Variants in YEATS4 observed in about 807,000 individuals in gnomAD.
The protein encoded by YEATS4 is YEATS domain containing 4.
Under a neutral mutation model 30.1 loss-of-function variants are expected in YEATS4, and 17 were observed. The ratio of observed to expected loss-of-function variants is 0.56; its 90% CI spans 0.39 to 0.85. The LOEUF (loss-of-function observed/expected upper bound fraction) is 0.85, where lower values mean the gene tolerates loss of function less well. YEATS4 is among the 40% of genes least tolerant of loss of function. The pLI, the probability that YEATS4 is intolerant of heterozygous loss-of-function variation, is 0.00. For synonymous variants in YEATS4, 85 were observed against 87.5 expected, an observed-to-expected ratio of 0.97 and a Z score of 0.16; for missense variants, 142 against 268.3, an observed-to-expected ratio of 0.53 and a Z score of 3.29.
At chr12:69,385,996 TA>T (rs1247989607) in intron 6 of YEATS4, among the ~76,000 whole-genome samples, 1 of 152,236 alleles carries the variant, frequency 6.6e-6, no homozygotes, top group East Asian at 1.9e-4. Flanking sequence ...GTCTGTCTCC[TA>T]ACCAGTATGC....
intron 6 of YEATS4, among the ~76,000 whole-genome samples, chr12:69,374,009 A>G (rs1437299503): frequency 1.3e-5 from 2 of 152,128 alleles, no homozygotes; most frequent in South Asian, 2.1e-4. Flanking sequence ...TGCAAGTACC[A>G]TGCTGTTGTG....
At chr12:69,371,957 A>C (rs978068470) in intron 6 of YEATS4, among the ~76,000 whole-genome samples, 2 of 152,222 alleles carry the variant, frequency 1.3e-5, no homozygotes. Flanking sequence ...TAGAGGGAGC[A>C]GTGAGGACAA....
At chr12:69,365,961 G>C in intron 4 of YEATS4, 77 bp downstream of exon 4, 12 of 1,063,470 alleles carry the variant, frequency 1.1e-5, no homozygotes, top group South Asian at 1.8e-5. Flanking sequence ...TTAATGAATA[G>C]TGTTCATTCA....
chr12:69,425,419 A>G, the YEATS4 span, among the ~76,000 whole-genome samples: 17 of 152,334 alleles, frequency 1.1e-4, no homozygotes, highest in East Asian at 3.3e-3. Flanking sequence ...GAGCTTCCCC[A>G]GATTTGCCTG....
the YEATS4 span, among the ~76,000 whole-genome samples, chr12:69,425,272 ACT>A: frequency 6.6e-6 from 1 of 151,976 alleles, no homozygotes; most frequent in African/African-American, 2.4e-5. Flanking sequence ...GAGGCCAGAG[ACT>A]CTGTTTTCTT....
intron 6 of YEATS4, among the ~76,000 whole-genome samples, chr12:69,387,859 T>A (rs995396016): frequency 1.3e-5 from 2 of 152,210 alleles, no homozygotes; most frequent in Non-Finnish European, 2.9e-5. Context: ...AGGGCATATT[T>A]TTTCACTGTC....
chr12:69,360,913 C>G (rs997506194), intron 1 of YEATS4, among the ~76,000 whole-genome samples: 6 of 151,610 alleles, frequency 4.0e-5, no homozygotes, highest in African/African-American at 1.5e-4. Context: ...AATTAACGTG[C>G]AGGGCCGGGC....
At chr12:69,421,124 C>T in the YEATS4 span, among the ~76,000 whole-genome samples, 2 of 152,122 alleles carry the variant, frequency 1.3e-5, no homozygotes, top group Non-Finnish European at 2.9e-5. Context: ...TCTCAAGTAG[C>T]TGGGATTACA....
the YEATS4 span, among the ~76,000 whole-genome samples, chr12:69,421,939 CT>C: frequency 6.6e-6 from 1 of 152,196 alleles, no homozygotes; most frequent in South Asian, 2.1e-4. Context: ...GGTATTTGAG[CT>C]ACCAGTTCTA....
At chr12:69,403,832 G>A in the YEATS4 span, among the ~76,000 whole-genome samples, 1 of 151,918 alleles carries the variant, frequency 6.6e-6, no homozygotes, top group Non-Finnish European at 1.5e-5. Context: ...CAGTTTTCAG[G>A]GCTTATTTTA....
At chr12:69,400,679 C>T in the YEATS4 span, among the ~76,000 whole-genome samples, 5 of 150,734 alleles carry the variant, frequency 3.3e-5, no homozygotes, top group East Asian at 3.9e-4. Flanking sequence ...AAGACCCCCC[C>T]GCCCAATTTA....
chr12:69,405,339 ATAAC>A, the YEATS4 span, among the ~76,000 whole-genome samples: 25 of 152,366 alleles, frequency 1.6e-4, no homozygotes, highest in East Asian at 1.2e-3. Context: ...ATTAACGACA[ATAAC>A]TAATAATAAA....
chr12:69,400,042 TTAAA>T, the YEATS4 span, among the ~76,000 whole-genome samples: 4 of 152,090 alleles, frequency 2.6e-5, no homozygotes, highest in Non-Finnish European at 5.9e-5. Context: ...AGTTCTTGAA[TTAAA>T]TAGTGGTGAT....
the YEATS4 span, among the ~76,000 whole-genome samples, chr12:69,408,318 C>A: frequency 6.6e-6 from 1 of 152,170 alleles, no homozygotes; most frequent in Non-Finnish European, 1.5e-5. Context: ...ACTAATTTCT[C>A]ATTTTTATAG....
the YEATS4 span, among the ~76,000 whole-genome samples, chr12:69,417,928 A>T: frequency 2.0e-5 from 3 of 152,006 alleles, no homozygotes; most frequent in African/African-American, 7.2e-5. Context: ...GCTGATGGGG[A>T]AATCTTTTCT....
intron 6 of YEATS4, among the ~76,000 whole-genome samples, chr12:69,372,537 G>GTTTTTT (rs71094710): frequency 0.02 from 2,480 of 122,954 alleles, 142 homozygotes; most frequent in Non-Finnish European, 0.031. Flanking sequence ...TATCTCATGA[G>GTTTTTT]TTTTTTTTTT....
At chr12:69,419,411 G>A in the YEATS4 span, among the ~76,000 whole-genome samples, 20 of 151,538 alleles carry the variant, frequency 1.3e-4, no homozygotes, top group African/African-American at 3.4e-4. Context: ...TTGTAGAAAC[G>A]GGGTCTTGTT....
chr12:69,379,326 A>G lies in YEATS4; in HGVS notation c.514+8351A>G, dbSNP rs549938075. Among the ~76,000 whole-genome samples the G allele has an allele frequency of 1.0e-3, 159 of 152,172 alleles. 1 individual carries two copies. Among genetic ancestry groups the G allele is most frequent in the Non-Finnish European group, 1.8e-3 (121 of 68,006 alleles). ...TTTCCCTGAATTTGGGAAGTTCTCT[A>G]TTATTATCCCTTTGAATAAACTTTC... On this transcript the variant is annotated intron_variant, in intron 6 of 6. Transcript: ENST00000247843.
At chr12:69,380,898 G>A (rs1876050221) in intron 6 of YEATS4, among the ~76,000 whole-genome samples, 2 of 152,178 alleles carry the variant, frequency 1.3e-5, no homozygotes, top group Admixed American at 1.3e-4. Flanking sequence ...TTCAAAAGGG[G>A]AGGGAGTGTA....
Sources: gnomAD v4.1 joint callset for allele counts (sites outside exome capture counted in the v4.1 genomes callset) on GRCh38, gnomAD v4.1.1 for gene constraint, MANE v1.5 for transcripts, NCBI Gene and HGNC (gene_info 2026-07-23, HGNC 2026-07-21) for gene names.